Variants in CCDC149 observed in about 807,000 individuals in gnomAD.
CCDC149 encodes the protein coiled-coil domain-containing protein 149.
CCDC149 carries 45 observed loss-of-function variants against 59.9 expected under a neutral mutation model. That is an observed-to-expected ratio of 0.75 (90% CI 0.59 to 0.96). The LOEUF (loss-of-function observed/expected upper bound fraction) is 0.96. Ranked by LOEUF, CCDC149 falls within the 40% of genes least tolerant of loss-of-function variation. CCDC149 has a pLI of 0.00. For synonymous variants in CCDC149, 245 were observed against 260.6 expected, an observed-to-expected ratio of 0.94 and a Z score of 0.58; for missense variants, 584 against 664.7, an observed-to-expected ratio of 0.88 and a Z score of 1.33.
intron 1 of CCDC149, among the ~76,000 whole-genome samples, chr4:24,970,148 C>G (rs1723916783): frequency 6.6e-6 from 1 of 152,194 alleles, no homozygotes; most frequent in African/African-American, 2.4e-5. Context: ...TGCTTTACCT[C>G]CATCAGTATC....
intron 1 of CCDC149, among the ~76,000 whole-genome samples, chr4:24,908,586 GCTA>G (rs1294892480): frequency 1.3e-5 from 2 of 151,544 alleles, no homozygotes; most frequent in African/African-American, 4.9e-5. Flanking sequence ...TGTAACTCCA[GCTA>G]CTCAGGAGGC....
At chr4:24,883,576 T>G (rs1719977494) in intron 1 of CCDC149, among the ~76,000 whole-genome samples, 1 of 152,168 alleles carries the variant, frequency 6.6e-6, no homozygotes, top group Non-Finnish European at 1.5e-5. Context: ...TGGAAATCAT[T>G]CACTTGTTCT....
chr4:24,873,549 C>A, intron 3 of CCDC149, 132 bp downstream of exon 3: 1 of 713,886 alleles, frequency 1.4e-6, no homozygotes, highest in Non-Finnish European at 2.5e-6. Flanking sequence ...GTTGGAATCT[C>A]TACCTACTCC....
chr4:24,838,039 C>A, intron 5 of CCDC149, 117 bp downstream of exon 5: 1 of 830,838 alleles, frequency 1.2e-6, no homozygotes, highest in Non-Finnish European at 2.1e-6. Context: ...TAAAAGCATT[C>A]AACGTGCATC....
At chr4:24,841,746 G>C (rs1298928951) in intron 4 of CCDC149, among the ~76,000 whole-genome samples, 1 of 152,228 alleles carries the variant, frequency 6.6e-6, no homozygotes, top group African/African-American at 2.4e-5. Flanking sequence ...CTCAGGACTT[G>C]TCTGAACTTC....
At chr4:24,936,149 A>G (rs1489344040) in intron 1 of CCDC149, among the ~76,000 whole-genome samples, 1 of 152,170 alleles carries the variant, frequency 6.6e-6, no homozygotes, top group African/African-American at 2.4e-5. Flanking sequence ...AAAAGAACTG[A>G]TGAGAAAGTA....
chr4:24,895,331 C>G (rs374627871), intron 1 of CCDC149, among the ~76,000 whole-genome samples: 3 of 152,084 alleles, frequency 2.0e-5, no homozygotes, highest in African/African-American at 7.2e-5. Flanking sequence ...AAATGTGTGC[C>G]TCTGCTGTCT....
chr4:24,951,313 G>A (rs1723284663), intron 1 of CCDC149, among the ~76,000 whole-genome samples: 1 of 152,228 alleles, frequency 6.6e-6, no homozygotes, highest in Non-Finnish European at 1.5e-5. Context: ...TTAAACTTCA[G>A]GGTGGACAGC....
chr4:24,822,854 GC>G (rs1362748860), intron 9 of CCDC149: 56 of 259,116 alleles, frequency 2.2e-4, no homozygotes, highest in South Asian at 4.4e-4. Flanking sequence ...TGACTCCACC[GC>G]TGCCCAAATC....
At position 24,808,688 on chromosome 4, in the gene CCDC149, G is replaced by GA. The variant is rs1310192782; in HGVS notation, c.1323dup (p.His442SerfsTer10). The GA allele has an allele frequency of 3.2e-6, 5 of 1,552,396 alleles. No individual in the cohort carries two copies. The highest frequency in any genetic ancestry group is 4.4e-6 in the Non-Finnish European group (5 of 1,147,136). ...GAAGGTAACTGGGGTAATGAAGGAT[G>GA]AAAGAGCTTGCATTGGTTCCCGCGG... is the stretch of plus-strand genomic sequence containing the variant. On this transcript the variant is annotated frameshift_variant, in exon 13 of 13. Coordinates refer to ENST00000635206, the MANE Select transcript of CCDC149 (RefSeq NM_001330643.2). LOFTEE classifies it low-confidence loss of function (END_TRUNC).
chr4:24,870,377 G>A (rs800383), intron 3 of CCDC149, among the ~76,000 whole-genome samples: 15,821 of 152,128 alleles, frequency 0.1, 977 homozygotes, highest in Non-Finnish European at 0.13. Context: ...TGAACTTCTC[G>A]CTATGTAAGG....
chr4:24,889,021 A>T (rs1720369335), intron 1 of CCDC149, among the ~76,000 whole-genome samples: 5 of 151,668 alleles, frequency 3.3e-5, no homozygotes, highest in Admixed American at 3.3e-4. Flanking sequence ...GCCCCAGGGG[A>T]TGTGCTGAAA....
At chr4:24,914,542 T>A (rs1722064745), upstream of CCDC149, among the ~76,000 whole-genome samples, 1 of 152,050 alleles carries the variant, frequency 6.6e-6, no homozygotes, top group South Asian at 2.1e-4. Flanking sequence ...TCACCAGATG[T>A]GTGAGTGAGG....
intron 3 of CCDC149, among the ~76,000 whole-genome samples, chr4:24,868,543 TA>T (rs757579650): frequency 5.3e-5 from 8 of 152,230 alleles, no homozygotes; most frequent in Non-Finnish European, 1.0e-4. Context: ...AATTACTTTG[TA>T]TGTTGTCTGT....
chr4:24,863,627 G>C, intron 3 of CCDC149, among the ~76,000 whole-genome samples: 1 of 152,212 alleles, frequency 6.6e-6, no homozygotes, highest in East Asian at 1.9e-4. Context: ...GTAGACACTA[G>C]GAATAATAGC....
chr4:24,966,705 G>T (rs976452548), intron 1 of CCDC149, among the ~76,000 whole-genome samples: 2 of 152,248 alleles, frequency 1.3e-5, no homozygotes, highest in African/African-American at 4.8e-5. Context: ...CTCTGGAGCA[G>T]CAATTTCAGA....
intron 1 of CCDC149, among the ~76,000 whole-genome samples, chr4:24,962,895 ATAAAT>A (rs1278582729): frequency 6.7e-6 from 1 of 148,980 alleles, no homozygotes; most frequent in Non-Finnish European, 1.5e-5. Flanking sequence ...AAAAAATAAA[ATAAAT>A]TAAAAATAAA....
intron 3 of CCDC149, among the ~76,000 whole-genome samples, chr4:24,872,324 G>A (rs1719093161): frequency 6.6e-6 from 1 of 152,240 alleles, no homozygotes; most frequent in South Asian, 2.1e-4. Flanking sequence ...TTTTAAGAGT[G>A]TGAAGTGGCA....
At chr4:24,911,292 A>C (rs1172707535) in intron 1 of CCDC149, among the ~76,000 whole-genome samples, 1 of 151,874 alleles carries the variant, frequency 6.6e-6, no homozygotes, top group Non-Finnish European at 1.5e-5. Flanking sequence ...CCTTTAGTTC[A>C]CTCTCACTGT....
Sources: allele counts gnomAD v4.1 joint callset (sites outside exome capture counted in the v4.1 genomes callset), GRCh38; gene constraint gnomAD v4.1.1; transcripts MANE v1.5; gene names NCBI Gene and HGNC (gene_info 2026-07-23, HGNC 2026-07-21).